Variants in C11orf16 observed in about 807,000 individuals in gnomAD.
C11orf16 encodes the protein uncharacterized protein C11orf16.
Under a neutral mutation model 45.1 loss-of-function variants are expected in C11orf16, and 38 were observed. The ratio of observed to expected loss-of-function variants is 0.84; its 90% CI spans 0.65 to 1.10. The LOEUF (loss-of-function observed/expected upper bound fraction) is 1.10, where lower values mean the gene tolerates loss of function less well. C11orf16 is among the 50% of genes least tolerant of loss of function. The pLI, the probability that C11orf16 is intolerant of heterozygous loss-of-function variation, is 0.00. For synonymous variants in C11orf16, 221 were observed against 222.0 expected (o/e 1.00, Z 0.04); for missense variants, 583 against 569.5 (o/e 1.02, Z -0.24).
At chr11:8,931,962 G>A (rs1008744244) in intron 2 of C11orf16, among the ~76,000 whole-genome samples, 180 bp downstream of exon 2, 2 of 152,208 alleles carry the variant, frequency 1.3e-5, no homozygotes, top group African/African-American at 4.8e-5. Context: ...GGCTCTGGGA[G>A]CACAATGTAG....
In C11orf16 at chr11:8,925,870, G is replaced by A. The variant is rs1280731014; in HGVS notation, c.797C>T (p.Pro266Leu). The change falls in exon 5 of 7, where the codon CCT (proline) becomes CTT (leucine). Residue 266 changes from proline to leucine, a missense_variant. Transcript: ENST00000326053. ...GCAGCAGGCATGATGGTGGCAGAGA[G>A]GGCACAGGAATGGAGCATCCGGAGG... is the stretch of plus-strand genomic sequence containing the variant. ...ELPPDAPFLC[P>L]LCHHHACCQL... is the part of the protein sequence containing the mutation. 1.9e-6 allele frequency: 3 copies of A among 1,614,248 alleles called. No homozygotes were observed. Among genetic ancestry groups the A allele is most frequent in the Admixed American group, 1.7e-5 (1 of 60,032 alleles).
At chr11:8,922,857 T>G (rs1396461255) in intron 5 of C11orf16, among the ~76,000 whole-genome samples, 1 of 152,138 alleles carries the variant, frequency 6.6e-6, no homozygotes, top group Admixed American at 6.5e-5. Context: ...TTTCTGTGCT[T>G]CTCTTCACTA....
chr11:8,925,575 T>C lies in C11orf16; in HGVS notation c.1092A>G (p.Ala364=), dbSNP rs1282653012. ...GPPQRLMVNS[A]VNTDPIFLEM... is the part of the protein sequence containing the mutation. Reference sequence around the variant, plus strand: ...CAAGAAAGATGGGATCTGTGTTGACTGCACTGTTCACCATCAGTCTCTGGG... The same window carrying C: ...CAAGAAAGATGGGATCTGTGTTGACCGCACTGTTCACCATCAGTCTCTGGG... Residue 364 remains alanine, a synonymous_variant, in exon 5 of 7, where the codon GCA becomes GCG. Coordinates refer to ENST00000326053, the MANE Select transcript of C11orf16 (RefSeq NM_020643.3). The C allele has an allele frequency of 2.6e-5, 42 of 1,614,134 alleles. No homozygotes were observed. Among genetic ancestry groups the C allele is most frequent in the Non-Finnish European group, 3.4e-5 (40 of 1,180,042 alleles).
intron 5 of C11orf16, among the ~76,000 whole-genome samples, chr11:8,922,932 G>A (rs368680615): frequency 1.2e-4 from 19 of 152,230 alleles, no homozygotes; most frequent in South Asian, 8.3e-4. Flanking sequence ...ACCCCCTCTC[G>A]GGCATGCTCT....
At position 8,932,275 on chromosome 11, in the gene C11orf16, G is replaced by A. The variant is rs377170245; in HGVS notation, c.34C>T (p.Leu12Phe). Residue 12 changes from leucine (L) to phenylalanine (F), a missense_variant, in exon 2 of 7, where the codon CTC becomes TTC. Physicochemically the swap from Leu to Phe is conservative, Grantham distance 22. Transcript: ENST00000326053. ...ESSTGPRMPLLKYCSVATSLK... is the reference protein window; with the variant it reads ...ESSTGPRMPLFKYCSVATSLK... ...CTTGTGGCCACGCTGCAGTATTTGA[G>A]CAAAGGCATCCTGGGCCCCGTGGAG... 6.2e-7 allele frequency: 1 copy of A among 1,611,290 alleles called. No individual in the cohort carries two copies. Among genetic ancestry groups the A allele is most frequent in the African/African-American group, 1.3e-5 (1 of 75,000 alleles).
rs1322892394 is a variant in C11orf16, at chr11:8,927,065, A to G, written c.434T>C (p.Leu145Pro). 3 of 1,614,148 alleles carry G rather than the reference A, an allele frequency of 1.9e-6. No homozygotes were observed. In the Admixed American group the frequency reaches 5.0e-5, roughly 27 times the overall value. ...CAGTGAGTATCCTACAGATGGTGAG[A>G]GAGGAATGACATCCTCTTCTAAGAC... The part of the protein sequence containing the change: ...RVVLEEDVIP[L>P]SPSVGYSLRP... The change falls in exon 4 of 7, where the codon CTC (leucine) becomes CCC (proline). Residue 145 changes from leucine (L) to proline (P), a missense_variant. Coordinates refer to ENST00000326053, the MANE Select transcript of C11orf16 (RefSeq NM_020643.3).
At chr11:8,925,296 A>G (rs548604370) in intron 5 of C11orf16, among the ~76,000 whole-genome samples, 167 bp downstream of exon 5, 7 of 152,310 alleles carry the variant, frequency 4.6e-5, no homozygotes, top group Non-Finnish European at 8.8e-5. Context: ...GAAACCTGCT[A>G]TTTCCCTCTT....
chr11:8,927,099 G>C lies in C11orf16; in HGVS notation c.400C>G (p.Gln134Glu). Residue 134 changes from glutamine to glutamate, a missense_variant, in exon 4 of 7, where the codon CAG becomes GAG. Physicochemically the swap from Gln to Glu is conservative, Grantham distance 29. Transcript: ENST00000326053. Reference sequence around the variant, plus strand: ...ACATCCTCTTCTAAGACCACTCTCTGCTGCTGGGCTGGCAGCTTTGGGCCT... The same window carrying C: ...ACATCCTCTTCTAAGACCACTCTCTCCTGCTGGGCTGGCAGCTTTGGGCCT... The part of the protein sequence containing the change: ...VAGPKLPAQQ[Q>E]RVVLEEDVIP... The C allele has an allele frequency of 1.2e-6, 2 of 1,614,162 alleles. No individual in the cohort carries two copies. The highest frequency in any genetic ancestry group is 1.7e-6 in the Non-Finnish European group (2 of 1,180,034).
intron 6 of C11orf16, 93 bp downstream of exon 6, chr11:8,921,201 G>T: frequency 1.1e-6 from 1 of 948,380 alleles, no homozygotes; most frequent in Non-Finnish European, 1.6e-6. Flanking sequence ...AGGGGTCATA[G>T]GTTTTACTGT....
At chr11:8,926,870 G>A in intron 4 of C11orf16, 70 bp downstream of exon 4, 2 of 1,275,132 alleles carry the variant, frequency 1.6e-6, no homozygotes, top group African/African-American at 1.5e-5. Context: ...CGCAGCCTTG[G>A]CTCTCTCCTC....
In C11orf16 at chr11:8,929,683, C is replaced by T. The variant is rs3763913; in HGVS notation, c.168-150G>A. On this transcript the variant is annotated intron_variant, in intron 2 of 6. Coordinates refer to ENST00000326053, the MANE Select transcript of C11orf16 (RefSeq NM_020643.3). ...ATGGAAAGTGGCAATCTATGACTTC[C>T]GGAAGGATAAGGTAAACCTCCGGGA... The T allele has an allele frequency of 0.19, 146,493 of 773,756 alleles. 15,804 individuals carry two copies. Among genetic ancestry groups the T allele is most frequent in the East Asian group, 0.37 (13,442 of 36,138 alleles). 47.9% of individuals were successfully genotyped at this position (773,756 alleles called of 1,614,324 possible).
intron 2 of C11orf16, among the ~76,000 whole-genome samples, chr11:8,930,680 G>C (rs1174757374): frequency 6.6e-6 from 1 of 152,110 alleles, no homozygotes; most frequent in African/African-American, 2.4e-5. Flanking sequence ...TGGCCTAGGG[G>C]AGTTGTTGAG....
At position 8,925,928 on chromosome 11, in the gene C11orf16, C is replaced by T. The variant is rs772757566; in HGVS notation, c.739G>A (p.Gly247Arg). The change falls in exon 5 of 7, where the codon GGG (glycine) becomes AGG (arginine). Residue 247 changes from glycine to arginine, a missense_variant. Gly to Arg is a moderately radical substitution (Grantham distance 125, BLOSUM62 -2). Transcript: ENST00000326053. ...LHWAPCCSLL[G>R]PITGRITNEL... ...TTAGTGATGCGCCCAGTGATTGGCC[C>T]TAGCAGAGAGCAGCAAGGGGCCCAG... 3 of 1,614,206 alleles carry T rather than the reference C, an allele frequency of 1.9e-6. No homozygotes were observed. Among genetic ancestry groups the T allele is most frequent in the Admixed American group, 1.7e-5 (1 of 60,030 alleles).
intron 5 of C11orf16, among the ~76,000 whole-genome samples, chr11:8,924,740 C>T (rs2064598247): frequency 6.6e-6 from 1 of 152,178 alleles, no homozygotes; most frequent in Non-Finnish European, 1.5e-5. Context: ...CCCCAGGACT[C>T]CCAGAATCTT....
In C11orf16 at chr11:8,925,590, C is replaced by A. The variant is rs2064604301; in HGVS notation, c.1077G>T (p.Leu359=). 2.5e-6 allele frequency: 4 copies of A among 1,614,282 alleles called. No individual in the cohort carries two copies. The highest frequency in any genetic ancestry group is 3.4e-6 in the Non-Finnish European group (4 of 1,180,050). Residue 359 remains leucine (L), a synonymous_variant, in exon 5 of 7, where the codon CTG becomes CTT. Transcript: ENST00000326053. ...NDLEMGPPQR[L]MVNSAVNTDP... is the part of the protein sequence containing the mutation. ...CTGTGTTGACTGCACTGTTCACCATCAGTCTCTGGGGAGGGCCCATCTCCA... is the reference window on the plus strand; with the variant it reads ...CTGTGTTGACTGCACTGTTCACCATAAGTCTCTGGGGAGGGCCCATCTCCA...
rs2064559952 is a variant in C11orf16, at chr11:8,920,212, C to G, written c.*261G>C. ...ACCCCCTCTTCCACGGAAGAGGCAT[C>G]TTAAAGCAGTTTCACCAGGGCCCTG... On this transcript the variant is annotated 3_prime_UTR_variant, in exon 7 of 7. Coordinates refer to ENST00000326053, the MANE Select transcript of C11orf16 (RefSeq NM_020643.3). The G allele has an allele frequency of 2.5e-6, 1 of 395,030 alleles. No individual in the cohort carries two copies. The highest frequency in any genetic ancestry group is 1.1e-4 in the South Asian group (1 of 9,084). The allele number at this position is 395,030 out of a possible 1,614,324, so 24.5% of individuals were successfully genotyped here.
At chr11:8,927,641 G>T (rs1197896806) in intron 3 of C11orf16, 2 of 456,544 alleles carry the variant, frequency 4.4e-6, no homozygotes, top group East Asian at 6.9e-5. Context: ...GCTCATGTAG[G>T]CAAGGAGCGA....
At chr11:8,924,055 A>G (rs965745930) in intron 5 of C11orf16, among the ~76,000 whole-genome samples, 1 of 152,062 alleles carries the variant, frequency 6.6e-6, no homozygotes, top group African/African-American at 2.4e-5. Flanking sequence ...AGCTGGGCCT[A>G]TGAGAGATAG....
chr11:8,932,400 A>G, intron 1 of C11orf16, 74 bp from the exon 2 acceptor site: 1 of 1,283,212 alleles, frequency 7.8e-7, no homozygotes, highest in Non-Finnish European at 1.0e-6. Context: ...GGCAGGGCTC[A>G]GCTCTGCAGT....
Sources: gnomAD v4.1 joint callset for allele counts (sites outside exome capture counted in the v4.1 genomes callset) on GRCh38, gnomAD v4.1.1 for gene constraint, MANE v1.5 for transcripts, NCBI Gene and HGNC (gene_info 2026-07-23, HGNC 2026-07-21) for gene names.